ATRNL1: variants seen among roughly 807,000 people sequenced by gnomAD.
The protein encoded by ATRNL1 is attractin like 1.
ATRNL1 carries 95 observed loss-of-function variants against 182.7 expected under a neutral mutation model. The ratio of observed to expected loss-of-function variants is 0.52; its 90% CI spans 0.44 to 0.62. The LOEUF is 0.62. ATRNL1 is among the 20% of genes least tolerant of loss of function. The pLI is 0.00. For missense variants in ATRNL1, 1,471 were observed against 1,679.5 expected (o/e 0.88, Z 2.17); for synonymous variants, 576 against 568.3 (o/e 1.01, Z -0.19).
At chr10:115,418,362 A>G (rs370142591) in intron 20 of ATRNL1, among the ~76,000 whole-genome samples, 7 of 152,278 alleles carry the variant, frequency 4.6e-5, no homozygotes, top group African/African-American at 1.7e-4. Context: ...CAAAAGAAAG[A>G]ATTAGTGAGT....
intron 19 of ATRNL1, among the ~76,000 whole-genome samples, chr10:115,366,539 G>T (rs1288889075): frequency 6.6e-6 from 1 of 151,644 alleles, no homozygotes. Context: ...ATATTGTTAT[G>T]TGTGAATTTG....
At chr10:115,767,329 TCCCAACAGC>T (rs1187648412) in intron 27 of ATRNL1, among the ~76,000 whole-genome samples, 2 of 152,108 alleles carry the variant, frequency 1.3e-5, no homozygotes, top group African/African-American at 2.4e-5. Flanking sequence ...TGCCTTTTCC[TCCCAACAGC>T]CCCATTTTTG....
At chr10:115,882,288 G>A (rs1555108752) in intron 28 of ATRNL1, among the ~76,000 whole-genome samples, 1 of 152,174 alleles carries the variant, frequency 6.6e-6, no homozygotes, top group East Asian at 1.9e-4. Context: ...TAGGGGTGTG[G>A]CGGGCTTTGG....
At chr10:115,100,688 T>A (rs148314377) in intron 1 of ATRNL1, among the ~76,000 whole-genome samples, 18 of 152,284 alleles carry the variant, frequency 1.2e-4, no homozygotes, top group African/African-American at 3.8e-4. Context: ...GTTTTTCAGT[T>A]TTGTTCTTTT....
intron 18 of ATRNL1, among the ~76,000 whole-genome samples, chr10:115,329,834 C>T (rs182157674): frequency 1.3e-5 from 2 of 152,192 alleles, no homozygotes; most frequent in Admixed American, 1.3e-4. Context: ...CATTGACTCA[C>T]TGTTTGTCTT....
At chr10:115,633,987 T>C (rs1378538586) in intron 26 of ATRNL1, among the ~76,000 whole-genome samples, 1 of 152,114 alleles carries the variant, frequency 6.6e-6, no homozygotes, top group South Asian at 2.1e-4. Flanking sequence ...TTGCCAGTAC[T>C]ATCACAGGGA....
intron 5 of ATRNL1, among the ~76,000 whole-genome samples, chr10:115,146,802 C>CAT (rs112187892): frequency 1.6e-3 from 239 of 145,738 alleles, no homozygotes; most frequent in African/African-American, 5.9e-3. Context: ...TGATTTCATT[C>CAT]TTTTTTTTTT....
intron 8 of ATRNL1, among the ~76,000 whole-genome samples, chr10:115,185,147 G>C (rs1847894313): frequency 6.6e-6 from 1 of 151,926 alleles, no homozygotes; most frequent in Admixed American, 6.6e-5. Context: ...ATAGATACAT[G>C]GATATGTAGA....
At chr10:115,486,653 A>G (rs1849041358) in intron 24 of ATRNL1, among the ~76,000 whole-genome samples, 1 of 152,064 alleles carries the variant, frequency 6.6e-6, no homozygotes, top group Non-Finnish European at 1.5e-5. Context: ...CCTTTGTCAG[A>G]TGGATAGAGT....
chr10:115,738,126 A>ATTTTTTTTTTTTTTTT lies in ATRNL1; in HGVS notation c.3903+10786_3903+10801dup, dbSNP rs10546896. 1.6e-3 allele frequency among the ~76,000 whole-genome samples: 77 copies of ATTTTTTTTTTTTTTTT among 47,108 alleles called. 11 individuals carry two copies. Among genetic ancestry groups the ATTTTTTTTTTTTTTTT allele is most frequent in the African/African-American group, 2.2e-3 (34 of 15,224 alleles). The allele number at this position is 47,108 out of a possible 152,430, so 30.9% of individuals were successfully genotyped here. A position where few individuals can be genotyped will look rare whatever the true frequency, so the allele number is the denominator to read the frequency against. On this transcript the variant is annotated intron_variant, in intron 27 of 28. Transcript: ENST00000355044. ...ATAAAAAATGATTTAGAAGATAATG[A>ATTTTTTTTTTTTTTTT]TTTTTTTTTTTTTTTTTTTTTTTTT...
At chr10:115,344,961 A>G (rs1554939320) in intron 19 of ATRNL1, among the ~76,000 whole-genome samples, 1 of 152,184 alleles carries the variant, frequency 6.6e-6, no homozygotes, top group Non-Finnish European at 1.5e-5. Flanking sequence ...GGGCCTCATC[A>G]TTCTGACTGG....
intron 10 of ATRNL1, among the ~76,000 whole-genome samples, chr10:115,254,646 T>C (rs1361862482): frequency 6.6e-6 from 1 of 152,234 alleles, no homozygotes; most frequent in Non-Finnish European, 1.5e-5. Flanking sequence ...TTTAATTAGA[T>C]TCCATTTGTC....
chr10:115,376,284 G>T (rs1409484157), intron 19 of ATRNL1, among the ~76,000 whole-genome samples: 3 of 151,332 alleles, frequency 2.0e-5, no homozygotes, highest in African/African-American at 7.3e-5. Flanking sequence ...CTCTGCCTTT[G>T]ACTTTATTTA....
At chr10:115,124,469 C>T (rs1260113275) in intron 3 of ATRNL1, among the ~76,000 whole-genome samples, 2 of 152,070 alleles carry the variant, frequency 1.3e-5, no homozygotes, top group African/African-American at 4.8e-5. Flanking sequence ...ACATGTATCA[C>T]CAACAGGGAA....
Position 115,823,779 on chromosome 10 carries a change from G to A in ATRNL1, c.3904-24098G>A, listed in dbSNP as rs188884349. 4.9e-4 allele frequency among the ~76,000 whole-genome samples: 75 copies of A among 152,184 alleles called. 2 individuals carry two copies. The highest frequency in any genetic ancestry group is 1.7e-3 in the African/African-American group (69 of 41,514). On this transcript the variant is annotated intron_variant, in intron 27 of 28. Transcript: ENST00000355044. ...ACCACTGCTCAAGGAAATAAGAGAGGACACAAACAAATGGAAAAACATTCC... is the reference window on the plus strand; with the variant it reads ...ACCACTGCTCAAGGAAATAAGAGAGAACACAAACAAATGGAAAAACATTCC...
At chr10:115,521,383 CCTCAGATGAT>C (rs1209251990) in intron 25 of ATRNL1, among the ~76,000 whole-genome samples, 1 of 152,026 alleles carries the variant, frequency 6.6e-6, no homozygotes, top group Non-Finnish European at 1.5e-5. Flanking sequence ...GATCTCCTGA[CCTCAGATGAT>C]CTGCCCACCT....
intron 26 of ATRNL1, among the ~76,000 whole-genome samples, chr10:115,590,067 G>A (rs1175041078): frequency 2.0e-5 from 3 of 152,174 alleles, no homozygotes; most frequent in Non-Finnish European, 4.4e-5. Flanking sequence ...TGTTGTGTTA[G>A]TTAAATTAAA....
intron 26 of ATRNL1, among the ~76,000 whole-genome samples, chr10:115,601,826 C>T (rs954666142): frequency 4.6e-5 from 7 of 152,118 alleles, no homozygotes; most frequent in Admixed American, 1.3e-4. Flanking sequence ...TTTCTTCCTG[C>T]ATTTCTAATT....
intron 18 of ATRNL1, among the ~76,000 whole-genome samples, chr10:115,332,560 T>C (rs1168263608): frequency 1.3e-5 from 2 of 152,248 alleles, no homozygotes; most frequent in African/African-American, 2.4e-5. Context: ...TAATGTAATA[T>C]GGAGTTTAAA....
Sources: allele counts gnomAD v4.1 joint callset (sites outside exome capture counted in the v4.1 genomes callset), GRCh38; gene constraint gnomAD v4.1.1; transcripts MANE v1.5; gene names NCBI Gene and HGNC (gene_info 2026-07-23, HGNC 2026-07-21).